ARHGAP24: variants seen among roughly 807,000 people sequenced by gnomAD.
The protein encoded by ARHGAP24 is Rho GTPase activating protein 24.
ARHGAP24 carries 50 observed loss-of-function variants against 76.4 expected under a neutral mutation model. The observed-to-expected ratio is 0.65, with a 90% confidence interval of 0.52 to 0.83. ARHGAP24 has a LOEUF of 0.83. Ranked by LOEUF, ARHGAP24 falls within the 40% of genes least tolerant of loss-of-function variation. The probability of loss-of-function intolerance (pLI) is 0.00; values close to 1 mark genes in which losing one functional copy is unlikely to be tolerated. For synonymous variants in ARHGAP24, 345 were observed against 323.3 expected, an observed-to-expected ratio of 1.07 and a Z score of -0.72; for missense variants, 930 against 914.2, an observed-to-expected ratio of 1.02 and a Z score of -0.22.
At chr4:85,496,362 G>A (rs948108043) in intron 1 of ARHGAP24, among the ~76,000 whole-genome samples, 1 of 152,210 alleles carries the variant, frequency 6.6e-6, no homozygotes, top group African/African-American at 2.4e-5. Flanking sequence ...ATAGGACAGG[G>A]CTTTCAGCAG....
chr4:85,889,880 A>G (rs1242527050), intron 3 of ARHGAP24, among the ~76,000 whole-genome samples: 4 of 152,124 alleles, frequency 2.6e-5, no homozygotes, highest in African/African-American at 9.7e-5. Flanking sequence ...TGAGTCCTGG[A>G]AGAATCTTTT....
intron 4 of ARHGAP24, chr4:85,930,513 CTATTTGCT>C: frequency 9.9e-7 from 1 of 1,006,674 alleles, no homozygotes. Flanking sequence ...TTGCACAGAG[CTATTTGCT>C]GACCTTTCCA....
intron 3 of ARHGAP24, among the ~76,000 whole-genome samples, chr4:85,761,405 T>A (rs1343167002): frequency 6.6e-6 from 1 of 152,214 alleles, no homozygotes; most frequent in African/African-American, 2.4e-5. Context: ...GGCATCCACC[T>A]AAAAGAGTCC....
chr4:85,564,405 AGCGGGG>A (rs1726730669), intron 1 of ARHGAP24, among the ~76,000 whole-genome samples: 1 of 126,566 alleles, frequency 7.9e-6, no homozygotes, highest in South Asian at 2.5e-4. Flanking sequence ...GGGTGGGGGG[AGCGGGG>A]GGGATAGCAT....
chr4:85,662,739 C>T (rs373879763), intron 2 of ARHGAP24, among the ~76,000 whole-genome samples: 15 of 152,102 alleles, frequency 9.9e-5, no homozygotes, highest in South Asian at 6.2e-4. Context: ...TACATATGGC[C>T]AGCCAGTTTT....
At chr4:85,755,073 C>T (rs1236697575) in intron 3 of ARHGAP24, among the ~76,000 whole-genome samples, 1 of 152,088 alleles carries the variant, frequency 6.6e-6, no homozygotes, top group Admixed American at 6.6e-5. Context: ...TGTCACAAAC[C>T]CTATATTAGG....
At chr4:85,922,006 G>A (rs997086779) in intron 3 of ARHGAP24, among the ~76,000 whole-genome samples, 1 of 152,142 alleles carries the variant, frequency 6.6e-6, no homozygotes, top group African/African-American at 2.4e-5. Context: ...AACCTAGAGT[G>A]GAACTAGACA....
intron 2 of ARHGAP24, among the ~76,000 whole-genome samples, chr4:85,589,495 A>T (rs1727997703): frequency 6.6e-6 from 1 of 152,244 alleles, no homozygotes; most frequent in Non-Finnish European, 1.5e-5. Context: ...TATTTGTTAC[A>T]ATTAATATTT....
rs199973646 is a variant in ARHGAP24 at position 85,513,551 on chromosome 4, C to CT, written c.-21+38000dup. ...AACACTCTCCACTTAGAATGATTGC[C>CT]TTTTTTTTAAAAAAAAAAGCTTCCT... is the stretch of plus-strand genomic sequence containing the variant. On this transcript the variant is annotated intron_variant, in intron 1 of 9. Transcript: ENST00000395184. Among the ~76,000 whole-genome samples the CT allele has an allele frequency of 6.5e-3, 947 of 145,834 alleles. 6 individuals are homozygous for CT. The highest frequency in any genetic ancestry group is 0.021 in the African/African-American group (809 of 38,004).
At chr4:85,553,284 G>A (rs1029907754) in intron 1 of ARHGAP24, among the ~76,000 whole-genome samples, 2 of 152,148 alleles carry the variant, frequency 1.3e-5, no homozygotes, top group African/African-American at 4.8e-5. Flanking sequence ...CAGCAGGGAA[G>A]GGGACCCGCA....
At chr4:85,782,475 A>C (rs1727610887) in intron 3 of ARHGAP24, among the ~76,000 whole-genome samples, 1 of 152,196 alleles carries the variant, frequency 6.6e-6, no homozygotes, top group Non-Finnish European at 1.5e-5. Flanking sequence ...ATTCACTGAT[A>C]ACACCTTATA....
intron 2 of ARHGAP24, among the ~76,000 whole-genome samples, chr4:85,681,339 G>A (rs1276477562): frequency 1.3e-5 from 2 of 152,176 alleles, no homozygotes; most frequent in Non-Finnish European, 2.9e-5. Flanking sequence ...TCAGATGCCA[G>A]TAATTTTTCT....
At chr4:85,773,472 T>A (rs990379989) in intron 3 of ARHGAP24, among the ~76,000 whole-genome samples, 3 of 152,178 alleles carry the variant, frequency 2.0e-5, no homozygotes, top group African/African-American at 7.2e-5. Flanking sequence ...GTACTCTATC[T>A]CCTACTTGGA....
intron 3 of ARHGAP24, among the ~76,000 whole-genome samples, chr4:85,808,724 A>G (rs1728892067): frequency 6.6e-6 from 1 of 152,154 alleles, no homozygotes; most frequent in African/African-American, 2.4e-5. Context: ...TCCTGTTTTG[A>G]GCTTTTTGAC....
chr4:85,837,916 G>A (rs1008376529), intron 3 of ARHGAP24, among the ~76,000 whole-genome samples: 7 of 152,142 alleles, frequency 4.6e-5, no homozygotes, highest in Non-Finnish European at 8.8e-5. Flanking sequence ...TTTCTGCTCT[G>A]CTGGCTTTAT....
intron 5 of ARHGAP24, among the ~76,000 whole-genome samples, chr4:85,971,657 A>G (rs867282814): frequency 6.6e-6 from 1 of 152,136 alleles, no homozygotes; most frequent in African/African-American, 2.4e-5. Flanking sequence ...TTAAATGTGC[A>G]ATAAATTATT....
intron 4 of ARHGAP24, among the ~76,000 whole-genome samples, chr4:85,932,046 G>T (rs1736364879): frequency 6.6e-6 from 1 of 151,370 alleles, no homozygotes. Flanking sequence ...TTTTTTTTAA[G>T]GAAACCATTG....
At chr4:85,664,149 T>A (rs1170209693) in intron 2 of ARHGAP24, among the ~76,000 whole-genome samples, 4 of 151,550 alleles carry the variant, frequency 2.6e-5, no homozygotes, top group Non-Finnish European at 5.9e-5. Flanking sequence ...CCTGGACTCT[T>A]TTTTGTTGGT....
At chr4:85,927,574 A>G (rs2148814601) in intron 4 of ARHGAP24, among the ~76,000 whole-genome samples, 1 of 152,294 alleles carries the variant, frequency 6.6e-6, no homozygotes, top group East Asian at 1.9e-4. Flanking sequence ...TTCCCTTCCT[A>G]TCTTAGTTAT....
Sources: gnomAD v4.1 joint callset for allele counts (sites outside exome capture counted in the v4.1 genomes callset) on GRCh38, gnomAD v4.1.1 for gene constraint, MANE v1.5 for transcripts, NCBI Gene and HGNC (gene_info 2026-07-23, HGNC 2026-07-21) for gene names.